The following KCNH4 variants were observed in gnomAD, a reference collection of about 807,000 sequenced individuals.
The protein encoded by KCNH4 is potassium voltage-gated channel subfamily H member 4, also known as voltage-gated delayed rectifier potassium channel KCNH4.
In KCNH4, 33 loss-of-function variants were observed where a neutral mutation model predicts 90.7. That is an observed-to-expected ratio of 0.36 (90% CI 0.28 to 0.49). The LOEUF (loss-of-function observed/expected upper bound fraction) is 0.49, where lower values mean the gene tolerates loss of function less well. Among genes scored for constraint, KCNH4 ranks in the 20% least tolerant of loss-of-function variants. The probability of loss-of-function intolerance (pLI) is 0.98; values close to 1 mark genes in which losing one functional copy is unlikely to be tolerated. For missense variants in KCNH4, 1,044 were observed against 1,387.1 expected, an observed-to-expected ratio of 0.75 and a Z score of 3.93; for synonymous variants, 551 against 581.7, an observed-to-expected ratio of 0.95 and a Z score of 0.76.
chr17:42,163,749 T>G lies in KCNH4; in HGVS notation c.2334A>C (p.Leu778Phe). 6.4e-7 allele frequency: 1 copy of G among 1,557,956 alleles called. No individual in the cohort carries two copies. Among genetic ancestry groups the G allele is most frequent in the Non-Finnish European group, 8.7e-7 (1 of 1,155,206 alleles). ...PFSALVSSPS[L>F]SPSLSPALAG... ...CCAGGGCAGGGGACAGGGATGGGGA[T>G]AAGGAAGGAGAGGAGACAAGGGCTG... Residue 778 changes from leucine (L) to phenylalanine (F), a missense_variant, in exon 13 of 17, where the codon TTA (leucine) becomes TTC (phenylalanine). By Grantham distance (22) the Leu-to-Phe change is conservative (BLOSUM62 0). Around this residue, in one of 4 missense-constraint regions of KCNH4, gnomAD observed 441 missense variants for 512.3 expected, o/e 0.86. Coordinates refer to ENST00000264661, the MANE Select transcript of KCNH4 (RefSeq NM_012285.3). This position sits in a 1 kb window ranked among gnomAD's most constrained non-coding sequence, Gnocchi z 5.4.
At chr17:42,177,110 T>C (rs1366203712) in intron 4 of KCNH4, among the ~76,000 whole-genome samples, 2 of 151,316 alleles carry the variant, frequency 1.3e-5, no homozygotes. Context: ...AGTGCAATGG[T>C]GCAATCTCGG....
At chr17:42,175,408 G>A (rs1326799461) in intron 6 of KCNH4, among the ~76,000 whole-genome samples, 171 bp downstream of exon 6, 4 of 152,184 alleles carry the variant, frequency 2.6e-5, no homozygotes, top group Admixed American at 6.5e-5. Context: ...ACAGACCCTC[G>A]GGATCCTCCC....
rs372656532 is a variant in KCNH4, at chr17:42,170,088, G to A, written c.1390+19C>T. 3.4e-5 allele frequency: 54 copies of A among 1,573,740 alleles called. No homozygotes were observed. The highest frequency in any genetic ancestry group is 4.5e-5 in the East Asian group (2 of 44,368). The stretch of plus-strand genomic sequence containing the variant: ...GGGCTTCGCAGGGCCCCACTGAGGC[G>A]TGGCAGGTCTGGCCTCACCGCCTAT... On this transcript the variant is annotated intron_variant, in intron 8 of 16. Coordinates refer to ENST00000264661, the MANE Select transcript of KCNH4 (RefSeq NM_012285.3).
rs1294067373 is a variant in KCNH4 at position 42,180,520 on chromosome 17, C to A, written c.76+350G>T. On this transcript the variant is annotated intron_variant, in intron 1 of 16. Coordinates refer to ENST00000264661, the MANE Select transcript of KCNH4 (RefSeq NM_012285.3). The surrounding 1 kb of genome is among the most constrained non-coding windows in gnomAD (Gnocchi z 4.7). ...GTGAGTAGACCCCAGAATGCCCGGC[C>A]ACTTTGCCCCACTTCTGTGTCTCGG... is the stretch of plus-strand genomic sequence containing the variant. Among the ~76,000 whole-genome samples, 1 of 152,092 alleles carries A rather than the reference C, an allele frequency of 6.6e-6. No individual in the cohort carries two copies. Among genetic ancestry groups the A allele is most frequent in the African/African-American group, 2.4e-5 (1 of 41,424 alleles).
chr17:42,176,317 G>C lies in KCNH4; in HGVS notation c.586-20C>G, dbSNP rs757793143. ...CACGTTCTAAGGGGAGAGGGGTGGCGGTTGGGGACACTTGAGGGAAAGAGG... is the reference window on the plus strand; with the variant it reads ...CACGTTCTAAGGGGAGAGGGGTGGCCGTTGGGGACACTTGAGGGAAAGAGG... On this transcript the variant is annotated intron_variant, in intron 4 of 16. Transcript: ENST00000264661. 1 of 1,602,254 alleles carries C rather than the reference G, an allele frequency of 6.2e-7. No homozygotes were observed. The highest frequency in any genetic ancestry group is 8.5e-7 in the Non-Finnish European group (1 of 1,173,052).
Position 42,163,160 on chromosome 17 carries a change from A to T in KCNH4, c.2584+68T>A. 9.2e-7 allele frequency: 1 copy of T among 1,091,832 alleles called. No homozygotes were observed. Among genetic ancestry groups the T allele is most frequent in the Non-Finnish European group, 1.4e-6 (1 of 706,364 alleles). 67.6% of individuals were successfully genotyped at this position (1,091,832 alleles called of 1,614,324 possible). A position where few individuals can be genotyped will look rare whatever the true frequency, so the allele number is the denominator to read the frequency against. ...CTGGCACATGGTAGGCCCCTACTAC[A>T]TATGGGATGGATGGACAGGTGGATG... On this transcript the variant is annotated intron_variant, in intron 14 of 16. Transcript: ENST00000264661. The surrounding 1 kb of genome is among the most constrained non-coding windows in gnomAD (Gnocchi z 5.4).
At chr17:42,161,422 C>T (rs1344830956) in intron 15 of KCNH4, among the ~76,000 whole-genome samples, 1 of 152,226 alleles carries the variant, frequency 6.6e-6, no homozygotes, top group Non-Finnish European at 1.5e-5. Context: ...AAGGCTGGCT[C>T]CCAGGGGCTG....
At position 42,181,060 on chromosome 17, in the gene KCNH4, C is replaced by A; in HGVS notation, c.-115G>T. 1.1e-6 allele frequency: 1 copy of A among 874,788 alleles called. No homozygotes were observed. Among genetic ancestry groups the A allele is most frequent in the East Asian group, 2.7e-5 (1 of 36,420 alleles). 54.2% of individuals were successfully genotyped at this position (874,788 alleles called of 1,614,324 possible). On this transcript the variant is annotated 5_prime_UTR_variant, in exon 1 of 17. Coordinates refer to ENST00000264661, the MANE Select transcript of KCNH4 (RefSeq NM_012285.3). ...CCCCATGCGCCCTCCTGCCTCCTCC[C>A]CTCCCTCTTACTGCCGCTGCCGCTG...
Position 42,179,031 on chromosome 17 carries a change from G to A in KCNH4, c.77-5C>T. 1.2e-6 allele frequency: 2 copies of A among 1,609,892 alleles called. No homozygotes were observed. The highest frequency in any genetic ancestry group is 2.2e-5 in the South Asian group (2 of 90,912). On this transcript the variant is annotated splice_polypyrimidine_tract_variant and splice_region_variant and intron_variant, in intron 1 of 16. Coordinates refer to ENST00000264661, the MANE Select transcript of KCNH4 (RefSeq NM_012285.3). ...TGGCCAGCAGGAAGTTGCTGTCTGT[G>A]GGAAGAAGAGGTCAAGGTCAGGTCA... is the stretch of plus-strand genomic sequence containing the variant.
Position 42,175,717 on chromosome 17 carries a change from G to A in KCNH4, c.849C>T (p.Arg283=), listed in dbSNP as rs1262281583. Residue 283 remains arginine, a synonymous_variant, in exon 6 of 17, where the codon CGC becomes CGT. Coordinates refer to ENST00000264661, the MANE Select transcript of KCNH4 (RefSeq NM_012285.3). ...GGCCGGACTGGGACACATAGGTGGT[G>A]CGGAAGTTCAGGATGATATCTGGGG... ...LFILDIILNF[R]TTYVSQSGQV... is the part of the protein sequence containing the mutation. 1.9e-6 allele frequency: 3 copies of A among 1,613,988 alleles called. No homozygotes were observed. In the Admixed American group the frequency reaches 5.0e-5, roughly 27 times the overall value.
intron 15 of KCNH4, among the ~76,000 whole-genome samples, chr17:42,160,920 CTTTTTTTTTTTT>C (rs57677761): frequency 1.4e-5 from 1 of 73,416 alleles, no homozygotes; most frequent in Non-Finnish European, 2.4e-5. Flanking sequence ...TTTTCTTTTT[CTTTTTTTTTTTT>C]TTTTTTTTTT....
rs984674212 is a variant in KCNH4, at chr17:42,169,421, C to A, written c.1590+56G>T. The A allele has an allele frequency of 1.1e-5, 17 of 1,531,402 alleles. No homozygotes were observed. In the African/African-American group the frequency reaches 2.2e-4, roughly 20 times the overall value. The allele number at this position is 1,531,402 out of a possible 1,614,324, so 94.9% of individuals were successfully genotyped here. A position where few individuals can be genotyped will look rare whatever the true frequency, so the allele number is the denominator to read the frequency against. On this transcript the variant is annotated intron_variant, in intron 9 of 16. Transcript: ENST00000264661. ...TACAGGGGCAGCGACTCCTTCCCCA[C>A]CCCACTGCAGGGCCACGCGGAGGGC...
chr17:42,178,083 T>C lies in KCNH4; in HGVS notation c.585+17A>G. The C allele has an allele frequency of 6.2e-7, 1 of 1,609,272 alleles. No homozygotes were observed. Among genetic ancestry groups the C allele is most frequent in the Non-Finnish European group, 8.5e-7 (1 of 1,177,598 alleles). On this transcript the variant is annotated intron_variant, in intron 4 of 16. Transcript: ENST00000264661. ...GCTGGAGGACTTGGGAGATGTTGGG[T>C]TGGGGGTGGGACTCACATTATTGGC...
At position 42,165,620 on chromosome 17, in the gene KCNH4, G is replaced by A. The variant is rs371090330; in HGVS notation, c.1914C>T (p.Phe638=). 3.1e-5 allele frequency: 50 copies of A among 1,614,082 alleles called. No homozygotes were observed. Among genetic ancestry groups the A allele is most frequent in the African/African-American group, 4.0e-5 (3 of 74,930 alleles). ...QEPGLGADPN[F]VLKTSADVKA... ...TCACATCAGCACTGGTCTTTAGCAC[G>A]AAGTTTGGGTCTGCTCCCAACCCAG... Residue 638 remains phenylalanine (F), a synonymous_variant, in exon 11 of 17, where the codon TTC becomes TTT. Transcript: ENST00000264661.
In KCNH4 at chr17:42,171,778, G is replaced by A. The variant is rs776526141; in HGVS notation, c.1195+10C>T. On this transcript the variant is annotated intron_variant, in intron 7 of 16. Coordinates refer to ENST00000264661, the MANE Select transcript of KCNH4 (RefSeq NM_012285.3). The stretch of plus-strand genomic sequence containing the variant: ...AGGTGGTCTGTGAAAGTTTGGGGTC[G>A]GTGGCTCACCAATGTCCCAGAGCAG... The A allele has an allele frequency of 5.1e-5, 82 of 1,613,778 alleles. No homozygotes were observed. Among genetic ancestry groups the A allele is most frequent in the Middle Eastern group, 1.6e-4 (1 of 6,078 alleles).
Position 42,163,599 on chromosome 17 carries a change from G to C in KCNH4, c.2477+7C>G, listed in dbSNP as rs748957727. 3.1e-6 allele frequency: 4 copies of C among 1,310,106 alleles called. No homozygotes were observed. Among genetic ancestry groups the C allele is most frequent in the South Asian group, 2.9e-5 (2 of 70,146 alleles). 81.2% of individuals were successfully genotyped at this position (1,310,106 alleles called of 1,614,324 possible). On this transcript the variant is annotated splice_region_variant and intron_variant, in intron 13 of 16. Coordinates refer to ENST00000264661, the MANE Select transcript of KCNH4 (RefSeq NM_012285.3). The surrounding 1 kb of genome is among the most constrained non-coding windows in gnomAD (Gnocchi z 5.4). ...TTTTGGGAAAGCAGGGGAGGCTGGC[G>C]TCTCACCGGGGACTGAGGTCCGGAG...
Position 42,180,075 on chromosome 17 carries a change from G to A in KCNH4, c.76+795C>T, listed in dbSNP as rs1244695933. 2.0e-5 allele frequency among the ~76,000 whole-genome samples: 3 copies of A among 152,238 alleles called. No individual in the cohort carries two copies. Among genetic ancestry groups the A allele is most frequent in the Non-Finnish European group, 4.4e-5 (3 of 68,048 alleles). On this transcript the variant is annotated intron_variant, in intron 1 of 16. Coordinates refer to ENST00000264661, the MANE Select transcript of KCNH4 (RefSeq NM_012285.3). The surrounding 1 kb of genome is among the most constrained non-coding windows in gnomAD (Gnocchi z 4.7). ...CTTCCATCCCAGGGCCTGTTGCCCC[G>A]GTGATGGGCGCTATGGAAACAAGGT... is the stretch of plus-strand genomic sequence containing the variant.
At chr17:42,158,738 G>A (rs1388083616) in intron 16 of KCNH4, among the ~76,000 whole-genome samples, 1 of 150,918 alleles carries the variant, frequency 6.6e-6, no homozygotes. Flanking sequence ...GGGAGCCTGA[G>A]GCAGGAGAAT....
intron 1 of KCNH4, among the ~76,000 whole-genome samples, chr17:42,179,440 C>A (rs2079886411): frequency 6.6e-6 from 1 of 152,178 alleles, no homozygotes; most frequent in Non-Finnish European, 1.5e-5. Flanking sequence ...TCCTTATTTG[C>A]AAAGTAGGGC....
Sources: gnomAD v4.1 joint callset for allele counts (sites outside exome capture counted in the v4.1 genomes callset) on GRCh38, gnomAD v4.1.1 for gene constraint, gnomAD v4.1.1 regional missense constraint, Gnocchi (gnomAD v3.1) non-coding constraint, MANE v1.5 for transcripts, NCBI Gene and HGNC (gene_info 2026-07-23, HGNC 2026-07-21) for gene names.